Variants in CNTN4 observed in about 807,000 individuals in gnomAD.
CNTN4 encodes contactin-4.
In CNTN4, 77 loss-of-function variants were observed where a neutral mutation model predicts 122.5. The observed-to-expected ratio is 0.63, with a 90% CI of 0.52 to 0.76. CNTN4 has a LOEUF of 0.76. CNTN4 is among the 30% of genes least tolerant of loss of function. The probability of loss-of-function intolerance (pLI) is 0.00; values close to 1 mark genes in which losing one functional copy is unlikely to be tolerated. For missense variants in CNTN4, 1,256 were observed against 1,259.1 expected (o/e 1.00, Z 0.04); for synonymous variants, 512 against 447.0 (o/e 1.15, Z -1.83).
At chr3:2,468,797 G>T (rs954801595) in intron 3 of CNTN4, among the ~76,000 whole-genome samples, 1 of 151,894 alleles carries the variant, frequency 6.6e-6, no homozygotes, top group African/African-American at 2.4e-5. Context: ...CATTCTATCA[G>T]AATCACATCA....
intron 13 of CNTN4, among the ~76,000 whole-genome samples, chr3:2,927,941 C>T (rs1163955876): frequency 1.3e-5 from 2 of 152,118 alleles, no homozygotes; most frequent in Non-Finnish European, 2.9e-5. Flanking sequence ...ATCCTCGTTC[C>T]CACCTCACTC....
chr3:2,729,159 G>A (rs1055400170), intron 4 of CNTN4, among the ~76,000 whole-genome samples: 1 of 152,194 alleles, frequency 6.6e-6, no homozygotes, highest in African/African-American at 2.4e-5. Flanking sequence ...GCTGTTCTAA[G>A]GGTCATGCGG....
chr3:2,141,865 G>A (rs1232280016), intron 2 of CNTN4, among the ~76,000 whole-genome samples: 1 of 152,108 alleles, frequency 6.6e-6, no homozygotes, highest in Non-Finnish European at 1.5e-5. Context: ...CCTTTTGACA[G>A]TTGCATCCAT....
chr3:2,477,194 A>G (rs547127647), intron 3 of CNTN4, among the ~76,000 whole-genome samples: 1 of 152,344 alleles, frequency 6.6e-6, no homozygotes, highest in East Asian at 1.9e-4. Flanking sequence ...TGTTCTTATA[A>G]GAAATGTTTG....
At chr3:2,796,030 G>A (rs1217467529) in intron 6 of CNTN4, among the ~76,000 whole-genome samples, 1 of 152,112 alleles carries the variant, frequency 6.6e-6, no homozygotes. Flanking sequence ...GAAAAGAACA[G>A]GATTTTTTAT....
At chr3:2,453,185 T>C (rs1301893366) in intron 3 of CNTN4, among the ~76,000 whole-genome samples, 1 of 151,942 alleles carries the variant, frequency 6.6e-6, no homozygotes, top group Non-Finnish European at 1.5e-5. Context: ...ATTATGTGAT[T>C]AACTCACCAA....
chr3:2,152,025 AAT>A (rs545431177), intron 2 of CNTN4, among the ~76,000 whole-genome samples: 12 of 152,352 alleles, frequency 7.9e-5, no homozygotes, highest in Non-Finnish European at 1.8e-4. Flanking sequence ...GTTTTAAAAA[AAT>A]GTTTGTATGC....
intron 13 of CNTN4, among the ~76,000 whole-genome samples, chr3:2,932,144 G>A (rs1447961773): frequency 2.0e-5 from 3 of 152,242 alleles, no homozygotes; most frequent in South Asian, 2.1e-4. Context: ...TTGGGACGTC[G>A]AGGCAGGCGG....
intron 13 of CNTN4, among the ~76,000 whole-genome samples, chr3:2,946,704 CTTTTTTTTTT>C (rs55883455): frequency 2.5e-5 from 3 of 119,384 alleles, no homozygotes; most frequent in Middle Eastern, 4.7e-3. Flanking sequence ...TTTTTTTTTT[CTTTTTTTTTT>C]TTTTTTTGAG....
At chr3:2,909,021 G>C (rs540049836) in intron 12 of CNTN4, among the ~76,000 whole-genome samples, 1 of 152,306 alleles carries the variant, frequency 6.6e-6, no homozygotes, top group South Asian at 2.1e-4. Context: ...CATCTACCCA[G>C]GTGATTGGCT....
chr3:3,017,025 G>A (rs2125559345), intron 14 of CNTN4, among the ~76,000 whole-genome samples: 1 of 152,236 alleles, frequency 6.6e-6, no homozygotes, highest in Non-Finnish European at 1.5e-5. Context: ...GTGCCTCTCG[G>A]TATGAATCGA....
chr3:2,240,489 G>A (rs1321219058), intron 2 of CNTN4, among the ~76,000 whole-genome samples: 1 of 151,832 alleles, frequency 6.6e-6, no homozygotes, highest in Non-Finnish European at 1.5e-5. Flanking sequence ...TATAAACCAG[G>A]CCAAAGACTT....
intron 4 of CNTN4, among the ~76,000 whole-genome samples, chr3:2,586,129 G>C (rs1237431977): frequency 6.6e-6 from 1 of 152,080 alleles, no homozygotes; most frequent in Non-Finnish European, 1.5e-5. Flanking sequence ...CAACTAAATT[G>C]GGTCAAGTAA....
intron 2 of CNTN4, among the ~76,000 whole-genome samples, chr3:2,119,466 T>C (rs1002995515): frequency 1.3e-5 from 2 of 152,234 alleles, no homozygotes; most frequent in African/African-American, 2.4e-5. Flanking sequence ...GTTAGACTTT[T>C]GCAGAATGAT....
At chr3:2,866,496 A>T (rs2093725089) in intron 7 of CNTN4, 1 of 1,316,498 alleles carries the variant, frequency 7.6e-7, no homozygotes, top group Non-Finnish European at 9.7e-7. Context: ...CCCTTGACTT[A>T]AAGAGGTTGG....
chr3:2,629,441 C>T, intron 4 of CNTN4: 1 of 361,494 alleles, frequency 2.8e-6, no homozygotes, highest in Non-Finnish European at 5.6e-6. Flanking sequence ...TTCAATTTTC[C>T]CAAGTCCGGT....
intron 10 of CNTN4, among the ~76,000 whole-genome samples, chr3:2,898,019 C>G (rs182901536): frequency 6.6e-6 from 1 of 152,212 alleles, no homozygotes; most frequent in East Asian, 1.9e-4. Context: ...GGTAACCCCC[C>G]CCAAATATGG....
chr3:2,850,771 C>T (rs114814838), intron 7 of CNTN4, among the ~76,000 whole-genome samples: 210 of 152,202 alleles, frequency 1.4e-3, no homozygotes, highest in African/African-American at 4.6e-3. Flanking sequence ...GTGTATTTTT[C>T]AGTAATAAAT....
intron 2 of CNTN4, among the ~76,000 whole-genome samples, chr3:2,248,130 G>T (rs2040227553): frequency 1.3e-5 from 2 of 151,874 alleles, no homozygotes; most frequent in African/African-American, 2.4e-5. Flanking sequence ...ACCTATAAAA[G>T]TTCCTGGCTC....
Sources: gnomAD v4.1 joint callset for allele counts (sites outside exome capture counted in the v4.1 genomes callset) on GRCh38, gnomAD v4.1.1 for gene constraint, MANE v1.5 for transcripts, NCBI Gene and HGNC (gene_info 2026-07-23, HGNC 2026-07-21) for gene names.